Variants in CUL1 observed in about 807,000 individuals in gnomAD.
CUL1 encodes cullin 1.
In CUL1, 24 loss-of-function variants were observed where a neutral mutation model predicts 118.0. The observed-to-expected ratio is 0.20, with a 90% CI of 0.15 to 0.29. CUL1 has a LOEUF of 0.29. Among genes scored for constraint, CUL1 ranks in the 10% least tolerant of loss-of-function variants. CUL1 has a pLI of 1.00. For missense variants in CUL1, 361 were observed against 933.8 expected (o/e 0.39, Z 7.99); for synonymous variants, 332 against 340.4 (o/e 0.98, Z 0.27).
chr7:148,756,883 G>A, intron 3 of CUL1, 100 bp from the exon 4 acceptor site: 2 of 694,996 alleles, frequency 2.9e-6, no homozygotes, highest in Non-Finnish European at 4.4e-6. Flanking sequence ...AAAATCACAT[G>A]TGTCAATGTA....
intron 7 of CUL1, among the ~76,000 whole-genome samples, chr7:148,764,634 A>C (rs1799946146): frequency 6.6e-6 from 1 of 152,232 alleles, no homozygotes; most frequent in South Asian, 2.1e-4. Flanking sequence ...GTTATAACTT[A>C]AAACAGAAAA....
intron 2 of CUL1, among the ~76,000 whole-genome samples, chr7:148,751,326 T>C (rs1799483666): frequency 6.6e-6 from 1 of 152,022 alleles, no homozygotes; most frequent in South Asian, 2.1e-4. Flanking sequence ...GGCAGGTGGA[T>C]TGCCTGAGGT....
chr7:148,748,148 A>C (rs867782325), intron 2 of CUL1, among the ~76,000 whole-genome samples: 5 of 152,216 alleles, frequency 3.3e-5, no homozygotes, highest in African/African-American at 9.6e-5. Context: ...AACCGGAAAC[A>C]TAGAAACAGA....
At chr7:148,798,520 A>G (rs1466278424) in intron 19 of CUL1, 52 bp from the exon 20 acceptor site, 36 of 1,378,080 alleles carry the variant, frequency 2.6e-5, no homozygotes, top group Non-Finnish European at 3.4e-5. Context: ...AGCAGCCTTC[A>G]CTGCCTACCT....
chr7:148,769,397 T>TCTCACA (rs1491139381), intron 9 of CUL1, among the ~76,000 whole-genome samples: 6 of 129,042 alleles, frequency 4.6e-5, no homozygotes, highest in Non-Finnish European at 8.1e-5. Flanking sequence ...AGGGCCTGAT[T>TCTCACA]CACACACACA....
At position 148,783,832 on chromosome 7, in the gene CUL1, A is replaced by G. The variant is rs1235772782; in HGVS notation, c.1133A>G (p.Asn378Ser). 3 of 1,614,116 alleles carry G rather than the reference A, an allele frequency of 1.9e-6. No individual in the cohort carries two copies. Among genetic ancestry groups the G allele is most frequent in the East Asian group, 2.2e-5 (1 of 44,900 alleles). ...QTVLDVHKKYNALVMSAFNND... is the reference protein window; with the variant it reads ...QTVLDVHKKYSALVMSAFNND... ...GTGCTTGATGTTCATAAAAAATACAATGCCCTGGTAATGTCTGCATTCAAC... is the reference window on the plus strand; with the variant it reads ...GTGCTTGATGTTCATAAAAAATACAGTGCCCTGGTAATGTCTGCATTCAAC... Residue 378 changes from asparagine to serine, a missense_variant, in exon 10 of 22, where the codon AAT becomes AGT. By Grantham distance (46) the Asn-to-Ser change is conservative. Around this residue, in one of 7 missense-constraint regions of CUL1, gnomAD observed 169 missense variants for 429.7 expected, o/e 0.39. Transcript: ENST00000325222.
chr7:148,784,351 G>C (rs1334416561), intron 11 of CUL1, among the ~76,000 whole-genome samples: 1 of 152,182 alleles, frequency 6.6e-6, no homozygotes, highest in African/African-American at 2.4e-5. Context: ...TCTGAGATCA[G>C]ACAAGATCGG....
intron 14 of CUL1, 32 bp from the exon 15 acceptor site, chr7:148,789,718 A>G (rs371258161): frequency 1.0e-5 from 16 of 1,571,822 alleles, no homozygotes; most frequent in African/African-American, 2.7e-5. Flanking sequence ...GTATTCCAGA[A>G]TGTTCACTCT....
intron 9 of CUL1, among the ~76,000 whole-genome samples, chr7:148,780,067 A>G (rs1459879835): frequency 1.3e-5 from 2 of 152,160 alleles, no homozygotes; most frequent in African/African-American, 2.4e-5. Flanking sequence ...CAGATAGCCT[A>G]TTGTGGGACC....
chr7:148,782,466 A>G (rs1240186603), intron 9 of CUL1, among the ~76,000 whole-genome samples: 1 of 152,248 alleles, frequency 6.6e-6, no homozygotes, highest in Non-Finnish European at 1.5e-5. Flanking sequence ...AAAATATTAA[A>G]TATCTGCAAT....
intron 9 of CUL1, among the ~76,000 whole-genome samples, chr7:148,774,010 A>T (rs938915642): frequency 5.3e-5 from 8 of 152,192 alleles, no homozygotes; most frequent in African/African-American, 1.9e-4. Context: ...ATTGCTCCGA[A>T]AAGGACTTGG....
chr7:148,755,637 TAAG>T (rs1387071833), intron 3 of CUL1, among the ~76,000 whole-genome samples: 2 of 152,146 alleles, frequency 1.3e-5, no homozygotes, highest in African/African-American at 4.8e-5. Flanking sequence ...AGTACTAAAG[TAAG>T]AAACAGTATA....
At position 148,793,526 on chromosome 7, in the gene CUL1, T is replaced by C. The variant is rs147357122; in HGVS notation, c.1899+708T>C. Among the ~76,000 whole-genome samples, 102 of 152,376 alleles carry C rather than the reference T, an allele frequency of 6.7e-4. 2 individuals are homozygous for C. In the Middle Eastern group the frequency reaches 0.017, roughly 25 times the overall value. On this transcript the variant is annotated intron_variant, in intron 17 of 21. Coordinates refer to ENST00000325222, the MANE Select transcript of CUL1 (RefSeq NM_003592.3). The stretch of plus-strand genomic sequence containing the variant: ...CAATTTGCCTACTCCAGACATTTCA[T>C]ATAAATGGAATCATATAACACATGA...
At chr7:148,727,951 G>A (rs1035546109) in intron 1 of CUL1, among the ~76,000 whole-genome samples, 27 of 152,254 alleles carry the variant, frequency 1.8e-4, no homozygotes, top group Admixed American at 1.2e-3. Context: ...GGATGACACC[G>A]TCTTAGGATG....
intron 9 of CUL1, among the ~76,000 whole-genome samples, chr7:148,778,611 C>A (rs1268011012): frequency 6.6e-6 from 1 of 152,212 alleles, no homozygotes; most frequent in African/African-American, 2.4e-5. Context: ...ATTTCTCTCC[C>A]CTTTTTAAGG....
At chr7:148,792,899 A>G in intron 17 of CUL1, 81 bp downstream of exon 17, 1 of 947,782 alleles carries the variant, frequency 1.1e-6, no homozygotes. Flanking sequence ...GATAAGGAAG[A>G]GGATATGGGC....
At chr7:148,769,397 T>TCACACACA (rs55858322) in intron 9 of CUL1, among the ~76,000 whole-genome samples, 3,278 of 129,034 alleles carry the variant, frequency 0.025, 59 homozygotes, top group East Asian at 0.049. Flanking sequence ...AGGGCCTGAT[T>TCACACACA]CACACACACA....
intron 3 of CUL1, among the ~76,000 whole-genome samples, chr7:148,756,165 A>G (rs1799650608): frequency 6.6e-6 from 1 of 152,168 alleles, no homozygotes; most frequent in Admixed American, 6.5e-5. Flanking sequence ...GTAAATGCAC[A>G]TTTTCTTGAA....
intron 4 of CUL1, among the ~76,000 whole-genome samples, chr7:148,758,124 C>T (rs1052122495): frequency 2.0e-5 from 3 of 152,170 alleles, no homozygotes; most frequent in African/African-American, 7.2e-5. Flanking sequence ...TGGGGCCCAG[C>T]AATGTTTTAC....
Sources: allele counts gnomAD v4.1 joint callset (sites outside exome capture counted in the v4.1 genomes callset), GRCh38; gene constraint gnomAD v4.1.1; regional missense constraint gnomAD v4.1.1; transcripts MANE v1.5; gene names NCBI Gene and HGNC (gene_info 2026-07-23, HGNC 2026-07-21).